Variants in DRC1 observed in about 807,000 individuals in gnomAD.
DRC1 encodes dynein regulatory complex protein 1.
DRC1 carries 74 observed loss-of-function variants against 98.7 expected under a neutral mutation model. That is an observed-to-expected ratio of 0.75 (90% CI 0.62 to 0.91). DRC1 has a LOEUF of 0.91. Ranked by LOEUF, DRC1 falls within the 40% of genes least tolerant of loss-of-function variation. DRC1 has a pLI of 0.00. For missense variants in DRC1, 875 were observed against 886.0 expected (o/e 0.99, Z 0.16); for synonymous variants, 336 against 334.1 (o/e 1.01, Z -0.06).
At chr2:26,403,327 A>G (rs1678313375) in intron 1 of DRC1, among the ~76,000 whole-genome samples, 1 of 152,202 alleles carries the variant, frequency 6.6e-6, no homozygotes, top group Non-Finnish European at 1.5e-5. Flanking sequence ...TTGGTGTTGT[A>G]CATCCTATGG....
At chr2:26,436,948 T>C (rs1663589053) in intron 7 of DRC1, among the ~76,000 whole-genome samples, 1 of 152,176 alleles carries the variant, frequency 6.6e-6, no homozygotes, top group South Asian at 2.1e-4. Context: ...TCCTTCTCTG[T>C]GAGTGCTCAT....
chr2:26,453,556 T>C lies in DRC1; in HGVS notation c.1919+7T>C, dbSNP rs774161990. On this transcript the variant is annotated splice_region_variant and intron_variant, in intron 14 of 16. Transcript: ENST00000288710. ...TGGGTCTGAAGAAGCCTAGGTGGGC[T>C]GCGGGGCTGGAAGGCTTGCCTGAGA... 42 of 1,611,782 alleles carry C rather than the reference T, an allele frequency of 2.6e-5. No individual in the cohort carries two copies. The Middle Eastern group carries it at 8.4e-4, about 32-fold the overall frequency.
At chr2:26,406,681 C>T (rs1019951192) in intron 1 of DRC1, among the ~76,000 whole-genome samples, 1 of 152,036 alleles carries the variant, frequency 6.6e-6, no homozygotes, top group Non-Finnish European at 1.5e-5. Context: ...CACTGTACTC[C>T]AGCCTGGATG....
At chr2:26,410,434 G>A (rs1233154213) in intron 1 of DRC1, among the ~76,000 whole-genome samples, 1 of 151,774 alleles carries the variant, frequency 6.6e-6, no homozygotes, top group African/African-American at 2.4e-5. Context: ...ACTATGCCCG[G>A]CTAATTTTTG....
rs1558438254 is a variant in DRC1 at position 26,418,662 on chromosome 2, TTATATAAATTAAATA to T, written c.244-2623_244-2609del. ...ATTTATATAATATATAAATTATATA[TTATATAAATTAAATA>T]TAATTTATATTATATATAAATTATA... is the stretch of plus-strand genomic sequence containing the variant. On this transcript the variant is annotated intron_variant, in intron 2 of 16. Transcript: ENST00000288710. 5.0e-3 allele frequency among the ~76,000 whole-genome samples: 446 copies of T among 89,274 alleles called. 6 individuals are homozygous for T. The highest frequency in any genetic ancestry group is 0.019 in the African/African-American group (404 of 21,354). The allele number at this position is 89,274 out of a possible 152,430, so 58.6% of individuals were successfully genotyped here.
chr2:26,453,653 A>G lies in DRC1; in HGVS notation c.1919+104A>G, dbSNP rs536736955. ...TGAGTGGAGAAGAGTCTGCTGGGCA[A>G]GATGCGGGGACTAAGGACAGGGCTA... On this transcript the variant is annotated intron_variant, in intron 14 of 16. Transcript: ENST00000288710. 6 of 1,182,628 alleles carry G rather than the reference A, an allele frequency of 5.1e-6. No homozygotes were observed. In the South Asian group the frequency reaches 7.5e-5, roughly 15 times the overall value. 73.3% of individuals were successfully genotyped at this position (1,182,628 alleles called of 1,614,324 possible).
chr2:26,406,201 A>G (rs1011256215), intron 1 of DRC1, among the ~76,000 whole-genome samples: 1 of 152,230 alleles, frequency 6.6e-6, no homozygotes, highest in African/African-American at 2.4e-5. Context: ...ACTTAGATTG[A>G]CAAGAGCTTT....
At chr2:26,435,736 G>A (rs1663552333) in intron 7 of DRC1, among the ~76,000 whole-genome samples, 1 of 151,810 alleles carries the variant, frequency 6.6e-6, no homozygotes, top group Admixed American at 6.6e-5. Flanking sequence ...TTGCTGCAAA[G>A]GACATATTCT....
intron 13 of DRC1, 101 bp downstream of exon 13, chr2:26,450,782 A>T: frequency 9.6e-7 from 1 of 1,043,568 alleles, no homozygotes; most frequent in Non-Finnish European, 1.3e-6. Context: ...CAGAACATGC[A>T]GGTTTGTTAC....
chr2:26,403,623 T>C (rs1034100691), intron 1 of DRC1, among the ~76,000 whole-genome samples: 98 of 151,820 alleles, frequency 6.5e-4, no homozygotes, highest in African/African-American at 2.3e-3. Flanking sequence ...GGCGAAACCC[T>C]GTCTGTACTA....
At chr2:26,413,061 C>A (rs1457590697) in intron 1 of DRC1, among the ~76,000 whole-genome samples, 1 of 152,232 alleles carries the variant, frequency 6.6e-6, no homozygotes, top group Non-Finnish European at 1.5e-5. Flanking sequence ...GGATTACAAG[C>A]GTGAGCCATC....
intron 2 of DRC1, among the ~76,000 whole-genome samples, chr2:26,418,581 T>G (rs1344438803): frequency 9.5e-6 from 1 of 105,606 alleles, no homozygotes; most frequent in Admixed American, 1.3e-4. Context: ...ATATTATATA[T>G]AAATTATATA....
chr2:26,442,788 C>T (rs1300085061), intron 8 of DRC1, among the ~76,000 whole-genome samples: 1 of 152,184 alleles, frequency 6.6e-6, no homozygotes, highest in African/African-American at 2.4e-5. Context: ...CACTCCCCTG[C>T]ATCTCTAGCT....
chr2:26,434,555 C>A (rs1009746386), intron 7 of DRC1, among the ~76,000 whole-genome samples: 2 of 152,166 alleles, frequency 1.3e-5, no homozygotes, highest in Admixed American at 6.5e-5. Context: ...CAGAGATAAG[C>A]AAAGTACAGC....
intron 8 of DRC1, among the ~76,000 whole-genome samples, chr2:26,443,658 C>T (rs990600303): frequency 1.7e-4 from 26 of 152,230 alleles, no homozygotes; most frequent in African/African-American, 5.1e-4. Context: ...CATATCCTTG[C>T]GCAAAAGTGG....
chr2:26,454,532 G>T lies in DRC1; in HGVS notation c.1920-115G>T. On this transcript the variant is annotated intron_variant, in intron 14 of 16. Transcript: ENST00000288710. This position sits in a 1 kb window ranked among gnomAD's most constrained non-coding sequence, Gnocchi z 5.2. Reference sequence around the variant, plus strand: ...GAACCTGCCACCGTCTAATAAACTTGGACTGCTGAGTGGGAAGGTGACAGG... The same window carrying T: ...GAACCTGCCACCGTCTAATAAACTTTGACTGCTGAGTGGGAAGGTGACAGG... 1 of 1,448,840 alleles carries T rather than the reference G, an allele frequency of 6.9e-7. No homozygotes were observed. The highest frequency in any genetic ancestry group is 9.4e-7 in the Non-Finnish European group (1 of 1,065,472). The allele number at this position is 1,448,840 out of a possible 1,614,324, so 89.7% of individuals were successfully genotyped here. A position where few individuals can be genotyped will look rare whatever the true frequency, so the allele number is the denominator to read the frequency against.
intron 10 of DRC1, chr2:26,448,463 C>G (rs1172037093): frequency 1.5e-6 from 1 of 675,562 alleles, no homozygotes; most frequent in Admixed American, 2.1e-5. Context: ...TACAGGCTGG[C>G]TGGGAATGGC....
rs78045883 is a variant in DRC1, at chr2:26,412,622, A to G, written c.156-1722A>G. ...TTCTGATTCACACACACAGACAAGCACACACACATGCACTATTTAGAAAAT... is the reference window on the plus strand; with the variant it reads ...TTCTGATTCACACACACAGACAAGCGCACACACATGCACTATTTAGAAAAT... On this transcript the variant is annotated intron_variant, in intron 1 of 16. Coordinates refer to ENST00000288710, the MANE Select transcript of DRC1 (RefSeq NM_145038.5). 4.0e-3 allele frequency among the ~76,000 whole-genome samples: 614 copies of G among 152,278 alleles called. 2 individuals carry two copies. Among genetic ancestry groups the G allele is most frequent in the Non-Finnish European group, 7.0e-3 (478 of 68,034 alleles).
intron 1 of DRC1, among the ~76,000 whole-genome samples, chr2:26,405,625 T>G (rs1393464208): frequency 6.7e-6 from 1 of 149,274 alleles, no homozygotes; most frequent in African/African-American, 2.5e-5. Flanking sequence ...GGTATGGTGG[T>G]CTTGTTTTTT....
Sources: allele counts gnomAD v4.1 joint callset (sites outside exome capture counted in the v4.1 genomes callset), GRCh38; gene constraint gnomAD v4.1.1; non-coding constraint Gnocchi (gnomAD v3.1); transcripts MANE v1.5; gene names NCBI Gene and HGNC (gene_info 2026-07-23, HGNC 2026-07-21).